CREB1: variants seen among roughly 807,000 people sequenced by gnomAD.
CREB1 encodes the protein cAMP responsive element binding protein 1.
Under a neutral mutation model 42.0 loss-of-function variants are expected in CREB1, and 2 were observed. That is an observed-to-expected ratio of 0.05 (90% CI 0.02 to 0.15). CREB1 has a LOEUF of 0.15. Among genes scored for constraint, CREB1 ranks in the 10% least tolerant of loss-of-function variants. The pLI, the probability that CREB1 is intolerant of heterozygous loss-of-function variation, is 1.00. For missense variants in CREB1, 199 were observed against 388.9 expected, an observed-to-expected ratio of 0.51 and a Z score of 4.11; for synonymous variants, 123 against 139.9, an observed-to-expected ratio of 0.88 and a Z score of 0.85.
Position 207,577,530 on chromosome 2 carries a change from C to T in CREB1, c.714C>T (p.Tyr238=). 1.9e-6 allele frequency: 3 copies of T among 1,613,958 alleles called. No individual in the cohort carries two copies. Among genetic ancestry groups the T allele is most frequent in the Non-Finnish European group, 8.5e-7 (1 of 1,179,934 alleles). ...VQAASGDVQT[Y]QIRTAPTSTI... ...CTGCCTCTGGAGACGTACAAACATA[C>T]CAGATTCGCACAGCACCCACTAGCA... The change falls in exon 7 of 8, where the codon TAC becomes TAT. Residue 238 remains tyrosine, a synonymous_variant. Coordinates refer to ENST00000353267, the MANE Select transcript of CREB1 (RefSeq NM_004379.5).
At position 207,604,093 on chromosome 2, in the gene CREB1, G is replaced by A. The variant is rs1479268500; in HGVS notation, c.*7035G>A. Among the ~76,000 whole-genome samples, 1 of 152,140 alleles carries A rather than the reference G, an allele frequency of 6.6e-6. No homozygotes were observed. The highest frequency in any genetic ancestry group is 1.9e-4 in the East Asian group (1 of 5,198). ...ATATTAATTACATGAGGGACAATAG[G>A]CATGAACTAGGATTGTTCTAAGCAA... On this transcript the variant is annotated 3_prime_UTR_variant, in exon 8 of 8. Transcript: ENST00000353267.
intron 4 of CREB1, among the ~76,000 whole-genome samples, chr2:207,569,756 TCTG>T (rs2082282763): frequency 1.3e-5 from 2 of 151,990 alleles, no homozygotes; most frequent in East Asian, 3.9e-4. Flanking sequence ...ATTTTAAACT[TCTG>T]CTGGCTGGGT....
intron 7 of CREB1, among the ~76,000 whole-genome samples, chr2:207,583,727 T>C (rs1056760622): frequency 1.3e-5 from 2 of 152,208 alleles, no homozygotes; most frequent in African/African-American, 4.8e-5. Flanking sequence ...TTTTATGGGT[T>C]TTGATAGATG....
At chr2:207,547,675 T>C (rs2081346473) in intron 1 of CREB1, among the ~76,000 whole-genome samples, 1 of 151,920 alleles carries the variant, frequency 6.6e-6, no homozygotes, top group Admixed American at 6.6e-5. Flanking sequence ...AAATATTGCA[T>C]AGTCGTGGCT....
intron 5 of CREB1, among the ~76,000 whole-genome samples, chr2:207,573,474 G>A (rs1055848357): frequency 3.9e-5 from 6 of 152,342 alleles, no homozygotes; most frequent in African/African-American, 1.4e-4. Context: ...AGTGGCTCAC[G>A]TCTGTGATCC....
chr2:207,595,778 A>T (rs1190745540), intron 7 of CREB1, among the ~76,000 whole-genome samples: 1 of 152,046 alleles, frequency 6.6e-6, no homozygotes, highest in African/African-American at 2.4e-5. Context: ...TATATTGCCC[A>T]GGCTGTTCTT....
chr2:207,569,684 G>T (rs1461798408), intron 4 of CREB1, among the ~76,000 whole-genome samples: 1 of 151,170 alleles, frequency 6.6e-6, no homozygotes, highest in Non-Finnish European at 1.5e-5. Context: ...TACATATTTG[G>T]GTTCCTTTTG....
intron 6 of CREB1, 62 bp downstream of exon 6, chr2:207,575,516 T>C (rs1487157515): frequency 1.4e-6 from 2 of 1,415,244 alleles, no homozygotes; most frequent in African/African-American, 2.8e-5. Flanking sequence ...TTTTATAAAC[T>C]CACAGAAAAA....
At chr2:207,540,395 C>T (rs2081046743) in intron 1 of CREB1, among the ~76,000 whole-genome samples, 1 of 151,870 alleles carries the variant, frequency 6.6e-6, no homozygotes, top group Non-Finnish European at 1.5e-5. Context: ...AATCCTAGCA[C>T]TTGGGGAGGC....
chr2:207,597,356 G>A lies in CREB1; in HGVS notation c.*298G>A. The A allele has an allele frequency of 3.3e-6, 1 of 302,666 alleles. No homozygotes were observed. The highest frequency in any genetic ancestry group is 6.0e-6 in the Non-Finnish European group (1 of 165,806). The allele number at this position is 302,666 out of a possible 1,614,324, so 18.7% of individuals were successfully genotyped here. Reference sequence around the variant, plus strand: ...TAATTTGTTTACTTGTAAATTGATGGGAGAAATGAGGAAAAGAAAATCTTT... The same window carrying A: ...TAATTTGTTTACTTGTAAATTGATGAGAGAAATGAGGAAAAGAAAATCTTT... On this transcript the variant is annotated 3_prime_UTR_variant, in exon 8 of 8. Coordinates refer to ENST00000353267, the MANE Select transcript of CREB1 (RefSeq NM_004379.5).
intron 4 of CREB1, chr2:207,568,274 C>T (rs1373910053): frequency 6.6e-6 from 1 of 151,956 alleles, no homozygotes; most frequent in Non-Finnish European, 1.5e-5. Context: ...TAAACTAACC[C>T]TTTTCTCTGT....
intron 7 of CREB1, 194 bp downstream of exon 7, chr2:207,577,849 A>T (rs969454422): frequency 1.7e-6 from 1 of 602,330 alleles, no homozygotes; most frequent in Non-Finnish European, 2.9e-6. Flanking sequence ...ATTATGGGTC[A>T]ATCTTTGATC....
At chr2:207,585,364 C>T (rs2083635636) in intron 7 of CREB1, among the ~76,000 whole-genome samples, 1 of 152,184 alleles carries the variant, frequency 6.6e-6, no homozygotes, top group Non-Finnish European at 1.5e-5. Context: ...AGAGACAACA[C>T]ATCTGAACCC....
intron 2 of CREB1, chr2:207,559,286 CTTTTG>C (rs2081862639): frequency 1.0e-6 from 1 of 980,486 alleles, no homozygotes; most frequent in African/African-American, 1.8e-5. Flanking sequence ...TAACTTTTTT[CTTTTG>C]TTTTAAATTC....
In CREB1 at chr2:207,597,075, T is replaced by C; in HGVS notation, c.*17T>C. 1 of 1,585,764 alleles carries C rather than the reference T, an allele frequency of 6.3e-7. No individual in the cohort carries two copies. The highest frequency in any genetic ancestry group is 8.5e-7 in the Non-Finnish European group (1 of 1,170,836). ...TCAGATTAATTTGGGATTTAAATTT[T>C]CACCTGTTAAGGTGGAAAATGGACT... On this transcript the variant is annotated 3_prime_UTR_variant, in exon 8 of 8. Transcript: ENST00000353267.
Position 207,597,688 on chromosome 2 carries a change from C to T in CREB1, c.*630C>T, listed in dbSNP as rs2086394906. ...AAAATTTGTCCTTGGTTCTTAAAAG[C>T]ATTCTGTACTAATACAGCTCTTCCA... On this transcript the variant is annotated 3_prime_UTR_variant, in exon 8 of 8. Transcript: ENST00000353267. 1 of 206,346 alleles carries T rather than the reference C, an allele frequency of 4.8e-6. No individual in the cohort carries two copies. The highest frequency in any genetic ancestry group is 1.9e-4 in the South Asian group (1 of 5,282). 12.8% of individuals were successfully genotyped at this position (206,346 alleles called of 1,614,324 possible).
intron 1 of CREB1, among the ~76,000 whole-genome samples, chr2:207,539,689 CAG>C (rs1241474273): frequency 2.0e-5 from 3 of 152,084 alleles, no homozygotes; most frequent in Non-Finnish European, 2.9e-5. Context: ...GAGTACATGA[CAG>C]AGTTTTTACT....
intron 6 of CREB1, among the ~76,000 whole-genome samples, chr2:207,575,780 G>C (rs1348806102): frequency 6.6e-6 from 1 of 152,124 alleles, no homozygotes; most frequent in African/African-American, 2.4e-5. Context: ...GCATGGATCT[G>C]CTATGAGGCC....
At chr2:207,576,142 A>G (rs2082583688) in intron 6 of CREB1, among the ~76,000 whole-genome samples, 1 of 150,820 alleles carries the variant, frequency 6.6e-6, no homozygotes, top group Non-Finnish European at 1.5e-5. Flanking sequence ...TGAAAACATT[A>G]TATTCCACAG....
Sources: gnomAD v4.1 joint callset for allele counts (sites outside exome capture counted in the v4.1 genomes callset) on GRCh38, gnomAD v4.1.1 for gene constraint, MANE v1.5 for transcripts, NCBI Gene and HGNC (gene_info 2026-07-23, HGNC 2026-07-21) for gene names.